The following TTC39B variants were observed in gnomAD, a reference collection of about 807,000 sequenced individuals.
TTC39B encodes tetratricopeptide repeat protein 39B.
In TTC39B, 92 loss-of-function variants were observed where a neutral mutation model predicts 96.6. That is an observed-to-expected ratio of 0.95 (90% CI 0.80 to 1.13). The LOEUF is 1.13. Among genes scored for constraint, TTC39B ranks in the 50% most tolerant of loss-of-function variants. The pLI is 0.00. For missense variants in TTC39B, 955 were observed against 809.3 expected (o/e 1.18, Z -2.18); for synonymous variants, 367 against 299.4 (o/e 1.23, Z -2.33).
intron 2 of TTC39B, among the ~76,000 whole-genome samples, chr9:15,267,143 A>G (rs1199166071): frequency 6.6e-6 from 1 of 152,182 alleles, no homozygotes; most frequent in Admixed American, 6.5e-5. Flanking sequence ...CACAACAAGG[A>G]GGCAGTCTGC....
intron 3 of TTC39B, among the ~76,000 whole-genome samples, chr9:15,218,101 CG>C (rs1395607638): frequency 7.0e-6 from 1 of 142,020 alleles, no homozygotes; most frequent in Non-Finnish European, 1.5e-5. Flanking sequence ...CCAACCACTG[CG>C]GAGGTTGCAG....
At chr9:15,198,665 T>G (rs4741475) in intron 8 of TTC39B, among the ~76,000 whole-genome samples, 96,438 of 151,260 alleles carry the variant, frequency 0.64, 31,081 homozygotes, top group East Asian at 0.87. Flanking sequence ...TCTAAAAATG[T>G]TATTAAAGCA....
At chr9:15,240,205 C>A (rs538109671) in intron 2 of TTC39B, among the ~76,000 whole-genome samples, 10 of 152,226 alleles carry the variant, frequency 6.6e-5, no homozygotes, top group Admixed American at 1.3e-4. Context: ...TCCCATTTTG[C>A]CAGGCCTGTC....
At chr9:15,294,766 T>C (rs1417368521) in intron 1 of TTC39B, among the ~76,000 whole-genome samples, 1 of 152,214 alleles carries the variant, frequency 6.6e-6, no homozygotes, top group Non-Finnish European at 1.5e-5. Context: ...TGCAAGACTC[T>C]GGCTGGGCCA....
At chr9:15,201,166 C>A (rs1819516108) in intron 7 of TTC39B, among the ~76,000 whole-genome samples, 2 of 150,958 alleles carry the variant, frequency 1.3e-5, no homozygotes, top group South Asian at 4.2e-4. Context: ...ATATGAAATT[C>A]AATGTTTATC....
At chr9:15,177,455 A>G (rs953272701) in intron 18 of TTC39B, among the ~76,000 whole-genome samples, 1 of 152,266 alleles carries the variant, frequency 6.6e-6, no homozygotes, top group Non-Finnish European at 1.5e-5. Context: ...TAGTTGAGCT[A>G]TAAATACAGT....
At position 15,212,455 on chromosome 9, in the gene TTC39B, C is replaced by T. The variant is rs1244667254; in HGVS notation, c.483-1058G>A. On this transcript the variant is annotated intron_variant, in intron 4 of 19. Coordinates refer to ENST00000512701, the Ensembl canonical transcript of TTC39B. ...TTTAATTTTTTTTGAGACAGAGCTTCGCTCTTGTTGCCCAGGCTGAAGTAC... is the reference window on the plus strand; with the variant it reads ...TTTAATTTTTTTTGAGACAGAGCTTTGCTCTTGTTGCCCAGGCTGAAGTAC... Among the ~76,000 whole-genome samples the T allele has an allele frequency of 5.3e-5, 8 of 151,912 alleles. 1 individual carries two copies. The highest frequency in any genetic ancestry group is 1.9e-4 in the East Asian group (1 of 5,182).
intron 1 of TTC39B, among the ~76,000 whole-genome samples, chr9:15,291,673 T>C (rs764972456): frequency 3.9e-5 from 6 of 152,164 alleles, no homozygotes; most frequent in Non-Finnish European, 1.5e-5. Context: ...GCACAAACAG[T>C]TGCACTTTTA....
At chr9:15,231,993 C>A (rs1821448046) in intron 2 of TTC39B, among the ~76,000 whole-genome samples, 1 of 152,122 alleles carries the variant, frequency 6.6e-6, no homozygotes, top group Non-Finnish European at 1.5e-5. Context: ...CGAGTCACCC[C>A]CACCAGGGCT....
chr9:15,241,040 G>C (rs1822015644), intron 2 of TTC39B, among the ~76,000 whole-genome samples: 1 of 152,148 alleles, frequency 6.6e-6, no homozygotes, highest in South Asian at 2.1e-4. Context: ...CTAAGAGATG[G>C]CGCTCTCACG....
intron 1 of TTC39B, among the ~76,000 whole-genome samples, chr9:15,296,136 A>G (rs1824367194): frequency 6.6e-6 from 1 of 152,220 alleles, no homozygotes; most frequent in Admixed American, 6.5e-5. Flanking sequence ...GAGGGAAAAA[A>G]GGAGGACCAA....
At chr9:15,217,506 C>G (rs983710108) in intron 3 of TTC39B, among the ~76,000 whole-genome samples, 1 of 152,168 alleles carries the variant, frequency 6.6e-6, no homozygotes, top group Non-Finnish European at 1.5e-5. Flanking sequence ...ATTAACACCC[C>G]TCTCCAGCAC....
chr9:15,294,271 G>C (rs1168221825), intron 1 of TTC39B, among the ~76,000 whole-genome samples: 2 of 151,714 alleles, frequency 1.3e-5, no homozygotes, highest in Admixed American at 6.6e-5. Context: ...AAGAACCCTA[G>C]AGTCCCTCCA....
At chr9:15,282,792 A>T (rs1407542467) in intron 1 of TTC39B, among the ~76,000 whole-genome samples, 1 of 152,206 alleles carries the variant, frequency 6.6e-6, no homozygotes, top group East Asian at 1.9e-4. Context: ...GTCACAAAGC[A>T]TGTATAAGTG....
chr9:15,248,139 C>T (rs1822368242), intron 2 of TTC39B, among the ~76,000 whole-genome samples: 1 of 152,208 alleles, frequency 6.6e-6, no homozygotes, highest in South Asian at 2.1e-4. Flanking sequence ...TAAAAATAAT[C>T]TAGGTTGTTT....
chr9:15,273,122 G>C (rs1179376743), intron 1 of TTC39B, among the ~76,000 whole-genome samples: 1 of 152,204 alleles, frequency 6.6e-6, no homozygotes, highest in Non-Finnish European at 1.5e-5. Context: ...TGGAAGAGCA[G>C]GTTCTTGATG....
chr9:15,283,544 A>C (rs1315744126), intron 1 of TTC39B, among the ~76,000 whole-genome samples: 1 of 95,808 alleles, frequency 1.0e-5, no homozygotes, highest in Admixed American at 1.3e-4. Flanking sequence ...TTTTACATAC[A>C]GAGAACTCAG....
intron 3 of TTC39B, among the ~76,000 whole-genome samples, chr9:15,217,035 C>G (rs1047693362): frequency 6.6e-6 from 1 of 151,898 alleles, no homozygotes; most frequent in Non-Finnish European, 1.5e-5. Context: ...ATGGAGCCAG[C>G]GATGGGAATA....
rs1269873111 is a variant in TTC39B, at chr9:15,301,011, G to C, written c.240+6073C>G. Among the ~76,000 whole-genome samples, 7 of 150,132 alleles carry C rather than the reference G, an allele frequency of 4.7e-5. No homozygotes were observed. In the East Asian group the frequency reaches 1.4e-3, roughly 30 times the overall value. ...ACTCACGACCCAAGTCAGCCTTTTTGGTTTCTGCCCTTGACACTCTCCTTC... is the reference window on the plus strand; with the variant it reads ...ACTCACGACCCAAGTCAGCCTTTTTCGTTTCTGCCCTTGACACTCTCCTTC... On this transcript the variant is annotated intron_variant, in intron 1 of 19. Transcript: ENST00000512701.
Sources: allele counts gnomAD v4.1 joint callset (sites outside exome capture counted in the v4.1 genomes callset), GRCh38; gene constraint gnomAD v4.1.1; transcripts MANE v1.5; gene names NCBI Gene and HGNC (gene_info 2026-07-23, HGNC 2026-07-21).